Variants in TUB observed in about 807,000 individuals in gnomAD.
TUB encodes the protein tubby protein homolog.
Under a neutral mutation model 59.7 loss-of-function variants are expected in TUB, and 33 were observed. That is an observed-to-expected ratio of 0.55 (90% CI 0.42 to 0.74). The LOEUF is 0.74. TUB is among the 30% of genes least tolerant of loss of function. The pLI, the probability that TUB is intolerant of heterozygous loss-of-function variation, is 0.00. For missense variants in TUB, 659 were observed against 672.0 expected, an observed-to-expected ratio of 0.98 and a Z score of 0.21; for synonymous variants, 293 against 256.4, an observed-to-expected ratio of 1.14 and a Z score of -1.36.
At position 8,032,171 on chromosome 11, in the gene TUB, T is replaced by C. The variant is rs1036993293; in HGVS notation, c.56+12813T>C. Among the ~76,000 whole-genome samples the C allele has an allele frequency of 3.3e-5, 5 of 151,708 alleles. No individual in the cohort carries two copies. The East Asian group carries it at 5.8e-4, about 18-fold the overall frequency. ...AAAGGCCGGGAGCGCAGGAGTGAGA[T>C]TGGGGGTCCACAGTGGCCAAGCTTC... On this transcript the variant is annotated intron_variant, in intron 1 of 11. Transcript: ENST00000534099.
At chr11:8,049,876 A>G (rs1293812693) in intron 2 of TUB, among the ~76,000 whole-genome samples, 1 of 152,176 alleles carries the variant, frequency 6.6e-6, no homozygotes, top group East Asian at 1.9e-4. Flanking sequence ...ACAAATTATA[A>G]GTGGACAGCT....
intron 2 of TUB, among the ~76,000 whole-genome samples, chr11:8,048,340 T>C (rs1330975047): frequency 2.6e-5 from 4 of 152,292 alleles, no homozygotes; most frequent in East Asian, 3.9e-4. Flanking sequence ...ATGTTTTAAT[T>C]TAGAGTGTCC....
intron 2 of TUB, among the ~76,000 whole-genome samples, chr11:8,063,210 G>A (rs1455714267): frequency 6.6e-6 from 1 of 152,172 alleles, no homozygotes; most frequent in Admixed American, 6.5e-5. Context: ...ATGTCAGAAA[G>A]GACTCCCTGG....
chr11:8,023,236 A>C (rs1293369502), intron 1 of TUB, among the ~76,000 whole-genome samples: 1 of 151,952 alleles, frequency 6.6e-6, no homozygotes, highest in Non-Finnish European at 1.5e-5. Context: ...CTTGCACATC[A>C]CTCTGCTGCC....
intron 2 of TUB, among the ~76,000 whole-genome samples, chr11:8,075,105 A>G (rs1943428606): frequency 6.7e-6 from 1 of 149,994 alleles, no homozygotes; most frequent in Non-Finnish European, 1.5e-5. Context: ...CATCCTATGA[A>G]CACTGAATTA....
At chr11:8,089,798 G>A (rs1943736762) in intron 2 of TUB, 137 bp downstream of exon 2, 2 of 1,224,824 alleles carry the variant, frequency 1.6e-6, no homozygotes, top group South Asian at 1.3e-5. Flanking sequence ...GAAGAGAGGT[G>A]CACTCTCTCC....
intron 2 of TUB, chr11:8,061,980 G>C (rs373120721): frequency 6.6e-6 from 1 of 152,570 alleles, no homozygotes; most frequent in African/African-American, 2.4e-5. Context: ...CTCTGTTCTC[G>C]CTCCCCCAGG....
At chr11:8,059,775 A>G (rs902283147) in intron 2 of TUB, among the ~76,000 whole-genome samples, 8 of 152,164 alleles carry the variant, frequency 5.3e-5, no homozygotes, top group African/African-American at 1.7e-4. Context: ...AACGAGGAGC[A>G]GTGGAAAGAG....
At chr11:8,069,813 A>C (rs1170676956) in intron 2 of TUB, among the ~76,000 whole-genome samples, 2 of 152,140 alleles carry the variant, frequency 1.3e-5, no homozygotes, top group African/African-American at 4.8e-5. Flanking sequence ...GGTCAGCTGA[A>C]TTGGCCACTC....
intron 1 of TUB, among the ~76,000 whole-genome samples, chr11:8,089,197 G>A (rs1197797109): frequency 6.6e-6 from 1 of 152,190 alleles, no homozygotes; most frequent in African/African-American, 2.4e-5. Context: ...AAAGGCTGGG[G>A]CTGGTGAGAT....
chr11:8,074,160 C>A (rs1481953856), intron 2 of TUB, among the ~76,000 whole-genome samples: 2 of 151,546 alleles, frequency 1.3e-5, no homozygotes, highest in Non-Finnish European at 2.9e-5. Context: ...CTTCTCTTAA[C>A]ATTGGGGGTG....
chr11:8,057,651 C>A (rs1943041388), intron 2 of TUB, among the ~76,000 whole-genome samples: 1 of 152,124 alleles, frequency 6.6e-6, no homozygotes, highest in Admixed American at 6.5e-5. Context: ...CCTGCGAAGT[C>A]ACGGAGGTTT....
In TUB at chr11:8,081,566, C is replaced by T; in HGVS notation, c.38+18C>T. On this transcript the variant is annotated intron_variant, in intron 1 of 11. Coordinates refer to ENST00000299506, the MANE Select transcript of TUB (RefSeq NM_177972.3). Reference sequence around the variant, plus strand: ...CCCTACAGGTACGCGGGCGCCGGGCCGGGGCGCCCACCACTCCCGACTCGG... The same window carrying T: ...CCCTACAGGTACGCGGGCGCCGGGCTGGGGCGCCCACCACTCCCGACTCGG... 2.0e-6 allele frequency: 3 copies of T among 1,525,542 alleles called. No individual in the cohort carries two copies. The highest frequency in any genetic ancestry group is 2.6e-6 in the Non-Finnish European group (3 of 1,140,078). The allele number at this position is 1,525,542 out of a possible 1,614,324, so 94.5% of individuals were successfully genotyped here. A position where few individuals can be genotyped will look rare whatever the true frequency, so the allele number is the denominator to read the frequency against.
chr11:8,080,865 C>T (rs959661179), upstream of TUB, among the ~76,000 whole-genome samples: 2 of 152,202 alleles, frequency 1.3e-5, no homozygotes, highest in Admixed American at 6.5e-5. Flanking sequence ...ATTCCTTCTC[C>T]ATCCGCGCCT....
rs776753352 is a variant in TUB, at chr11:8,097,432, T to C, written c.885+7T>C. The C allele has an allele frequency of 2.5e-6, 4 of 1,614,134 alleles. No individual in the cohort carries two copies. Among genetic ancestry groups the C allele is most frequent in the Non-Finnish European group, 3.4e-6 (4 of 1,180,004 alleles). On this transcript the variant is annotated splice_region_variant and intron_variant, in intron 7 of 11. Transcript: ENST00000299506. ...CCGTGAGGATGGGAAGAAGGTAAGG[T>C]TGGTCTGGGCATGTTATCATCTAGG...
intron 1 of TUB, among the ~76,000 whole-genome samples, chr11:8,029,150 G>A (rs569082963): frequency 3.1e-4 from 47 of 152,272 alleles, no homozygotes; most frequent in African/African-American, 1.0e-3. Context: ...GGTCTCTTCT[G>A]CAACATATCT....
At chr11:8,023,820 T>C (rs2133698423) in intron 1 of TUB, among the ~76,000 whole-genome samples, 1 of 152,312 alleles carries the variant, frequency 6.6e-6, no homozygotes, top group East Asian at 1.9e-4. Context: ...ATGAAGTCCA[T>C]TTTTTTCCAC....
chr11:8,106,235 G>A lies in TUB; in HGVS notation c.*4616G>A, dbSNP rs886363946. On this transcript the variant is annotated 3_prime_UTR_variant, in exon 12 of 12. Transcript: ENST00000299506. The stretch of plus-strand genomic sequence containing the variant: ...TATATCAACAAATTAAACTTGAATC[G>A]TTTCAACACTTCTGTGTACTTTTTT... 3.9e-5 allele frequency: 6 copies of A among 152,092 alleles called. No individual in the cohort carries two copies. The highest frequency in any genetic ancestry group is 1.2e-4 in the African/African-American group (5 of 41,392). The allele number at this position is 152,092 out of a possible 1,614,324, so 9.4% of individuals were successfully genotyped here. A position where few individuals can be genotyped will look rare whatever the true frequency, so the allele number is the denominator to read the frequency against.
upstream of TUB, among the ~76,000 whole-genome samples, chr11:8,080,718 T>A (rs1346108874): frequency 6.6e-6 from 1 of 152,234 alleles, no homozygotes; most frequent in Non-Finnish European, 1.5e-5. Context: ...AGGGAGCCAC[T>A]GCTGAGGAAA....
Sources: allele counts gnomAD v4.1 joint callset (sites outside exome capture counted in the v4.1 genomes callset), GRCh38; gene constraint gnomAD v4.1.1; transcripts MANE v1.5; gene names NCBI Gene and HGNC (gene_info 2026-07-23, HGNC 2026-07-21).